NDUFAB1: variants seen among roughly 807,000 people sequenced by gnomAD.
NDUFAB1 encodes acyl carrier protein, mitochondrial.
Under a neutral mutation model 16.1 loss-of-function variants are expected in NDUFAB1, and 5 were observed. That is an observed-to-expected ratio of 0.31 (90% CI 0.16 to 0.65). The LOEUF is 0.65. Among genes scored for constraint, NDUFAB1 ranks in the 30% least tolerant of loss-of-function variants. The pLI is 0.77. For missense variants in NDUFAB1, 187 were observed against 205.3 expected (o/e 0.91, Z 0.54); for synonymous variants, 85 against 78.4 (o/e 1.08, Z -0.44).
chr16:23,587,386 C>T (rs1966243066), intron 1 of NDUFAB1, 67 bp from the exon 2 acceptor site: 2 of 1,570,788 alleles, frequency 1.3e-6, no homozygotes, highest in Non-Finnish European at 1.7e-6. Context: ...ATGCACAAGC[C>T]TATAGGTAAC....
chr16:23,583,967 G>A (rs567465874), intron 3 of NDUFAB1, among the ~76,000 whole-genome samples: 6 of 150,612 alleles, frequency 4.0e-5, no homozygotes, highest in Non-Finnish European at 7.4e-5. Context: ...CCCCCAACCC[G>A]GTGCTCTCTG....
chr16:23,589,674 C>T (rs949685604), intron 1 of NDUFAB1, among the ~76,000 whole-genome samples: 3 of 152,002 alleles, frequency 2.0e-5, no homozygotes, highest in Admixed American at 6.6e-5. Context: ...GTGGCTCACG[C>T]CTGTAATCCC....
At chr16:23,590,057 C>T (rs981122993) in intron 1 of NDUFAB1, among the ~76,000 whole-genome samples, 1 of 151,976 alleles carries the variant, frequency 6.6e-6, no homozygotes, top group Non-Finnish European at 1.5e-5. Flanking sequence ...CCCAGGAGTT[C>T]CAGACCAACC....
intron 1 of NDUFAB1, among the ~76,000 whole-genome samples, chr16:23,594,956 A>T (rs1420374962): frequency 1.3e-5 from 2 of 151,876 alleles, no homozygotes; most frequent in Non-Finnish European, 2.9e-5. Flanking sequence ...AGAACTTAGA[A>T]AACAACAAAA....
At position 23,585,368 on chromosome 16, in the gene NDUFAB1, A is replaced by G; in HGVS notation, c.347T>C (p.Val116Ala). The part of the protein sequence containing the change: ...KDLGLDSLDQ[V>A]EIIMAMEDEF... ...GTCTTCCATGGCCATGATAATCTCC[A>G]CTTGGTCCAAACTGTCTAAGCCCAG... is the stretch of plus-strand genomic sequence containing the variant. The change falls in exon 3 of 5, where the codon GTG (valine) becomes GCG (alanine). Residue 116 changes from valine to alanine, a missense_variant. By Grantham distance (64) the Val-to-Ala change is moderately conservative. Coordinates refer to ENST00000007516, the MANE Select transcript of NDUFAB1 (RefSeq NM_005003.3). 5.0e-6 allele frequency: 8 copies of G among 1,613,962 alleles called. No individual in the cohort carries two copies. The highest frequency in any genetic ancestry group is 6.8e-6 in the Non-Finnish European group (8 of 1,179,826).
rs566138810 is a variant in NDUFAB1 at position 23,582,461 on chromosome 16, T to C, written c.380-86A>G. The stretch of plus-strand genomic sequence containing the variant: ...ACACACCTGACCCTTCTACAACAGC[T>C]ACAAGTATATCAAAACTTTCAGCAA... On this transcript the variant is annotated intron_variant, in intron 3 of 4. Transcript: ENST00000007516. The C allele has an allele frequency of 8.0e-6, 11 of 1,373,450 alleles. No individual in the cohort carries two copies. In the East Asian group the frequency reaches 2.8e-4, roughly 35 times the overall value. The allele number at this position is 1,373,450 out of a possible 1,614,324, so 85.1% of individuals were successfully genotyped here.
chr16:23,587,863 G>A (rs896463954), intron 1 of NDUFAB1, among the ~76,000 whole-genome samples: 1 of 152,260 alleles, frequency 6.6e-6, no homozygotes, highest in Admixed American at 6.5e-5. Flanking sequence ...CCCACCCAAA[G>A]AGGGGATGAG....
At chr16:23,588,969 T>C (rs1334769700) in intron 1 of NDUFAB1, among the ~76,000 whole-genome samples, 1 of 151,744 alleles carries the variant, frequency 6.6e-6, no homozygotes, top group Non-Finnish European at 1.5e-5. Context: ...AGCGAGACTC[T>C]GTCTCAAAAA....
At position 23,585,318 on chromosome 16, in the gene NDUFAB1, T is replaced by C. The variant is rs1204238359; in HGVS notation, c.379+18A>G. 2.5e-6 allele frequency: 4 copies of C among 1,577,474 alleles called. No homozygotes were observed. The highest frequency in any genetic ancestry group is 2.7e-5 in the African/African-American group (2 of 74,090). ...TTAATCAAAAATCGCAGTGTGTAGA[T>C]AGAAGACTGAGCCTTACCAAATTCG... On this transcript the variant is annotated intron_variant, in intron 3 of 4. Transcript: ENST00000007516.
chr16:23,589,143 TAA>T (rs1248398802), intron 1 of NDUFAB1, among the ~76,000 whole-genome samples: 1 of 149,460 alleles, frequency 6.7e-6, no homozygotes, highest in Non-Finnish European at 1.5e-5. Flanking sequence ...ACCAAAAATA[TAA>T]GTTAGCTGGG....
rs764401074 is a variant in NDUFAB1 at position 23,591,897 on chromosome 16, CTT to C, written c.168+4224_168+4225del. Among the ~76,000 whole-genome samples, 4 of 152,324 alleles carry C rather than the reference CTT, an allele frequency of 2.6e-5. No individual in the cohort carries two copies. In the East Asian group the frequency reaches 7.7e-4, roughly 29 times the overall value. ...CACGACTGTCTCAGAAGCCTGGGAACTTTACCTGTGTGCCAAGAACTGTGCAA... is the reference window on the plus strand; with the variant it reads ...CACGACTGTCTCAGAAGCCTGGGAACTACCTGTGTGCCAAGAACTGTGCAA... On this transcript the variant is annotated intron_variant, in intron 1 of 4. Transcript: ENST00000007516.
chr16:23,584,250 T>A lies in NDUFAB1; in HGVS notation c.379+1086A>T, dbSNP rs867385345. Reference sequence around the variant, plus strand: ...CTCTGCGAGAAACACCCAAGAATGATCAATTAAAAAAAAAAAAAAAAAAAG... The same window carrying A: ...CTCTGCGAGAAACACCCAAGAATGAACAATTAAAAAAAAAAAAAAAAAAAG... On this transcript the variant is annotated intron_variant, in intron 3 of 4. Coordinates refer to ENST00000007516, the MANE Select transcript of NDUFAB1 (RefSeq NM_005003.3). 5.6e-3 allele frequency among the ~76,000 whole-genome samples: 36 copies of A among 6,460 alleles called. 4 individuals carry two copies. Among genetic ancestry groups the A allele is most frequent in the South Asian group, 0.051 (9 of 178 alleles). 4.2% of individuals were successfully genotyped at this position (6,460 alleles called of 152,430 possible).
intron 1 of NDUFAB1, among the ~76,000 whole-genome samples, chr16:23,594,435 C>T (rs1258324820): frequency 1.3e-5 from 2 of 152,124 alleles, no homozygotes; most frequent in African/African-American, 4.8e-5. Flanking sequence ...TCCCTAAAAC[C>T]TCTGCCTCCT....
At chr16:23,592,689 T>C (rs1335422269) in intron 1 of NDUFAB1, among the ~76,000 whole-genome samples, 1 of 152,168 alleles carries the variant, frequency 6.6e-6, no homozygotes, top group Non-Finnish European at 1.5e-5. Context: ...CCATTGCCCT[T>C]GGTTTTTGTT....
intron 1 of NDUFAB1, among the ~76,000 whole-genome samples, chr16:23,594,822 A>G (rs966665604): frequency 3.1e-4 from 47 of 152,106 alleles, no homozygotes; most frequent in Non-Finnish European, 1.3e-4. Context: ...CATGCAGTCA[A>G]GGTTGAAACC....
chr16:23,583,052 C>T (rs1210610901), intron 3 of NDUFAB1, among the ~76,000 whole-genome samples: 3 of 152,290 alleles, frequency 2.0e-5, no homozygotes, highest in Non-Finnish European at 2.9e-5. Flanking sequence ...CTCCTAACCG[C>T]GAGTGATCTG....
chr16:23,595,558 A>G (rs1356777387), intron 1 of NDUFAB1: 1 of 455,710 alleles, frequency 2.2e-6, no homozygotes, highest in Non-Finnish European at 4.4e-6. Context: ...GACCCGCGCA[A>G]TTCAAATCCT....
chr16:23,592,196 A>G lies in NDUFAB1; in HGVS notation c.168+3927T>C, dbSNP rs116253566. 8.1e-3 allele frequency among the ~76,000 whole-genome samples: 1,226 copies of G among 152,254 alleles called. 18 individuals carry two copies. The highest frequency in any genetic ancestry group is 0.028 in the African/African-American group (1,157 of 41,532). On this transcript the variant is annotated intron_variant, in intron 1 of 4. Coordinates refer to ENST00000007516, the MANE Select transcript of NDUFAB1 (RefSeq NM_005003.3). ...AAGAACAGGTCAAGAAAACGAAATGAGGTCAGGCGTGGTAGCGCAGGCCAG... is the reference window on the plus strand; with the variant it reads ...AAGAACAGGTCAAGAAAACGAAATGGGGTCAGGCGTGGTAGCGCAGGCCAG...
Position 23,582,321 on chromosome 16 carries a change from A to G in NDUFAB1, c.434T>C (p.Val145Ala), listed in dbSNP as rs1368287059. ...ATCCTTCTTATCTGCAATGTAATCT[A>G]CAATTTCTTGTGGACACATTAACTT... Reference protein sequence around the residue: ...AEKLMCPQEIVDYIADKKDVY... With the variant: ...AEKLMCPQEIADYIADKKDVY... The change falls in exon 4 of 5, where the codon GTA becomes GCA. Residue 145 changes from valine (V) to alanine (A), a missense_variant. Val to Ala is a moderately conservative substitution (Grantham distance 64). Around this residue, in one of 3 missense-constraint regions of NDUFAB1, gnomAD observed 32 missense variants for 28.8 expected, o/e 1.11. Transcript: ENST00000007516. The G allele has an allele frequency of 2.5e-6, 4 of 1,580,062 alleles. No homozygotes were observed. The highest frequency in any genetic ancestry group is 1.7e-6 in the Non-Finnish European group (2 of 1,164,646).
Sources: allele counts gnomAD v4.1 joint callset (sites outside exome capture counted in the v4.1 genomes callset), GRCh38; gene constraint gnomAD v4.1.1; regional missense constraint gnomAD v4.1.1; transcripts MANE v1.5; gene names NCBI Gene and HGNC (gene_info 2026-07-23, HGNC 2026-07-21).